The following COL19A1 variants were observed in gnomAD, a reference collection of about 807,000 sequenced individuals.
The protein encoded by COL19A1 is collagen type XIX alpha 1 chain.
COL19A1 carries 159 observed loss-of-function variants against 190.2 expected under a neutral mutation model. The ratio of observed to expected loss-of-function variants is 0.84; its 90% confidence interval spans 0.73 to 0.95. The LOEUF is 0.95. COL19A1 is among the 40% of genes least tolerant of loss of function. COL19A1 has a pLI of 0.00. For synonymous variants in COL19A1, 509 were observed against 458.9 expected (o/e 1.11, Z -1.39); for missense variants, 1,418 against 1,431.9 (o/e 0.99, Z 0.16).
intron 9 of COL19A1, among the ~76,000 whole-genome samples, chr6:69,950,663 C>T (rs1056855862): frequency 7.0e-6 from 1 of 142,878 alleles, no homozygotes; most frequent in Non-Finnish European, 1.5e-5. Flanking sequence ...CATGAGATCA[C>T]ATGAATGCAG....
intron 4 of COL19A1, among the ~76,000 whole-genome samples, chr6:69,910,131 T>C (rs1770816020): frequency 6.6e-6 from 1 of 152,096 alleles, no homozygotes; most frequent in Non-Finnish European, 1.5e-5. Flanking sequence ...CACCAGCACC[T>C]CAAAAAATAA....
At chr6:70,145,514 G>C (rs1201629163) in intron 25 of COL19A1, among the ~76,000 whole-genome samples, 2 of 152,076 alleles carry the variant, frequency 1.3e-5, no homozygotes, top group Non-Finnish European at 2.9e-5. Context: ...CAAAAGACAT[G>C]GGGGACTACT....
At position 70,171,974 on chromosome 6, in the gene COL19A1, G is replaced by T. The variant is rs1765526414; in HGVS notation, c.2579G>T (p.Gly860Val). ...KGDPGPVGEPGAMGLPGLEGF... is the reference protein window; with the variant it reads ...KGDPGPVGEPVAMGLPGLEGF... ...GTTCATATTTAACAGGGAGAGCCTGGTGCAATGGGGTTGCCAGGATTAGAA... is the reference window on the plus strand; with the variant it reads ...GTTCATATTTAACAGGGAGAGCCTGTTGCAATGGGGTTGCCAGGATTAGAA... Residue 860 changes from glycine to valine, a missense_variant, in exon 41 of 51, where the codon GGT (glycine) becomes GTT (valine). Transcript: ENST00000620364. 1.2e-6 allele frequency: 2 copies of T among 1,612,342 alleles called. No homozygotes were observed. Among genetic ancestry groups the T allele is most frequent in the Non-Finnish European group, 1.7e-6 (2 of 1,179,406 alleles).
At chr6:70,115,205 AC>A (rs1487466699) in intron 16 of COL19A1, among the ~76,000 whole-genome samples, 1 of 151,858 alleles carries the variant, frequency 6.6e-6, no homozygotes, top group African/African-American at 2.4e-5. Context: ...TTCCTGTCCT[AC>A]CCGCCTTGCT....
intron 4 of COL19A1, among the ~76,000 whole-genome samples, chr6:69,921,200 CAT>C (rs887064770): frequency 7.7e-6 from 1 of 129,996 alleles, no homozygotes; most frequent in Non-Finnish European, 1.5e-5. Flanking sequence ...ATATATATCA[CAT>C]ATATTCATAT....
At chr6:69,905,897 T>C (rs1770518786) in intron 4 of COL19A1, among the ~76,000 whole-genome samples, 1 of 152,262 alleles carries the variant, frequency 6.6e-6, no homozygotes, top group Admixed American at 6.5e-5. Flanking sequence ...CCTAGTTCTC[T>C]AGAATTATTT....
intron 39 of COL19A1, among the ~76,000 whole-genome samples, 171 bp downstream of exon 39, chr6:70,168,386 C>A (rs1765295859): frequency 6.6e-6 from 1 of 152,156 alleles, no homozygotes; most frequent in Non-Finnish European, 1.5e-5. Context: ...AAAATGTATG[C>A]AGCCAAAATA....
intron 16 of COL19A1, among the ~76,000 whole-genome samples, chr6:70,113,374 T>C (rs1201593973): frequency 6.6e-6 from 1 of 152,214 alleles, no homozygotes; most frequent in Non-Finnish European, 1.5e-5. Context: ...CACAACAGAA[T>C]ACAATGGCAC....
At chr6:70,135,863 A>G (rs1785831378) in intron 18 of COL19A1, among the ~76,000 whole-genome samples, 1 of 152,126 alleles carries the variant, frequency 6.6e-6, no homozygotes, top group African/African-American at 2.4e-5. Context: ...CATGCTTCTG[A>G]AAGAGTTCAG....
chr6:69,952,870 G>A (rs914379316), intron 9 of COL19A1, among the ~76,000 whole-genome samples: 1 of 152,000 alleles, frequency 6.6e-6, no homozygotes, highest in African/African-American at 2.4e-5. Context: ...TGCAGACAAG[G>A]CCAATCACTG....
At chr6:70,157,910 A>T (rs1468978350) in intron 34 of COL19A1, among the ~76,000 whole-genome samples, 1 of 152,156 alleles carries the variant, frequency 6.6e-6, no homozygotes, top group African/African-American at 2.4e-5. Context: ...AGTTAAAGTC[A>T]CTAGAAGTTA....
chr6:70,049,120 G>A (rs1425413677), intron 14 of COL19A1, among the ~76,000 whole-genome samples: 1 of 151,822 alleles, frequency 6.6e-6, no homozygotes, highest in Admixed American at 6.6e-5. Flanking sequence ...ATCAAAATCT[G>A]AGTTATTTAG....
chr6:70,178,421 A>T (rs1330293639), intron 42 of COL19A1, among the ~76,000 whole-genome samples: 1 of 152,170 alleles, frequency 6.6e-6, no homozygotes, highest in East Asian at 1.9e-4. Flanking sequence ...TTACATAAAT[A>T]AGAAAGGGTA....
At chr6:69,921,553 T>TGTATATTC (rs777126073) in intron 4 of COL19A1, among the ~76,000 whole-genome samples, 3 of 115,274 alleles carry the variant, frequency 2.6e-5, no homozygotes, top group Non-Finnish European at 3.6e-5. Context: ...TATATATTCA[T>TGTATATTC]ATATATATTC....
intron 11 of COL19A1, among the ~76,000 whole-genome samples, chr6:69,984,298 T>C (rs1165921615): frequency 6.6e-6 from 1 of 152,126 alleles, no homozygotes; most frequent in Non-Finnish European, 1.5e-5. Context: ...TCCCTGCCAC[T>C]CTCTGATGTC....
At chr6:70,076,289 A>T (rs551806798) in intron 15 of COL19A1, among the ~76,000 whole-genome samples, 1 of 152,250 alleles carries the variant, frequency 6.6e-6, no homozygotes, top group Non-Finnish European at 1.5e-5. Context: ...TGTTCTGCAT[A>T]ATATACACCC....
intron 14 of COL19A1, among the ~76,000 whole-genome samples, chr6:70,040,650 T>C (rs964038587): frequency 6.6e-6 from 1 of 152,048 alleles, no homozygotes; most frequent in Non-Finnish European, 1.5e-5. Context: ...TGTTCACGGG[T>C]CATATGGAAA....
Position 70,199,686 on chromosome 6 carries a change from C to T in COL19A1, c.3173C>T (p.Pro1058Leu). 2 of 1,610,740 alleles carry T rather than the reference C, an allele frequency of 1.2e-6. No individual in the cohort carries two copies. Among genetic ancestry groups the T allele is most frequent in the Non-Finnish European group, 1.7e-6 (2 of 1,178,016 alleles). Residue 1058 changes from proline (P) to leucine (L), a missense_variant, in exon 49 of 51, where the codon CCA becomes CTA. By Grantham distance (98) the Pro-to-Leu change is moderately conservative. Coordinates refer to ENST00000620364, the MANE Select transcript of COL19A1 (RefSeq NM_001858.6). The stretch of plus-strand genomic sequence containing the variant: ...GCCCAAGCTTATGGGAGACCTGGGC[C>T]ACCAGGGAAGGATGGGTTGCCTGGG... ...LAAQAYGRPGPPGKDGLPGPP... is the reference protein window; with the variant it reads ...LAAQAYGRPGLPGKDGLPGPP...
chr6:70,009,859 C>T (rs750693953), intron 11 of COL19A1, among the ~76,000 whole-genome samples: 2 of 138,982 alleles, frequency 1.4e-5, no homozygotes, highest in African/African-American at 6.7e-5. Flanking sequence ...TTTCAACAAC[C>T]CTTTTATATG....
Sources: allele counts gnomAD v4.1 joint callset (sites outside exome capture counted in the v4.1 genomes callset), GRCh38; gene constraint gnomAD v4.1.1; transcripts MANE v1.5; gene names NCBI Gene and HGNC (gene_info 2026-07-23, HGNC 2026-07-21).